The following SH3BGRL2 variants were observed in gnomAD, a reference collection of about 807,000 sequenced individuals.
The protein encoded by SH3BGRL2 is SH3 domain binding glutamate rich protein like 2.
Under a neutral mutation model 14.8 loss-of-function variants are expected in SH3BGRL2, and 21 were observed. The observed-to-expected ratio is 1.42, with a 90% CI of 1.01 to 2.05. The LOEUF (loss-of-function observed/expected upper bound fraction) is 2.05. Ranked by LOEUF, SH3BGRL2 falls within the 30% of genes most tolerant of loss-of-function variation. SH3BGRL2 has a pLI of 0.00. For missense variants in SH3BGRL2, 147 were observed against 130.8 expected, an observed-to-expected ratio of 1.12 and a Z score of -0.61; for synonymous variants, 50 against 47.8, an observed-to-expected ratio of 1.05 and a Z score of -0.19.
the SH3BGRL2 span, among the ~76,000 whole-genome samples, chr6:79,563,714 C>G: frequency 6.6e-6 from 1 of 152,140 alleles, no homozygotes; most frequent in Admixed American, 6.5e-5. Context: ...AAGCAAAATG[C>G]AGCTGCATGA....
At chr6:79,629,203 T>C (rs1768779754), upstream of SH3BGRL2, among the ~76,000 whole-genome samples, 1 of 152,218 alleles carries the variant, frequency 6.6e-6, no homozygotes, top group Non-Finnish European at 1.5e-5. Context: ...TCTCCAACTC[T>C]TTTTTACAAA....
At chr6:79,666,912 C>T (rs2812711) in intron 1 of SH3BGRL2, among the ~76,000 whole-genome samples, 15,889 of 152,142 alleles carry the variant, frequency 0.1, 1,336 homozygotes, top group East Asian at 0.44. Flanking sequence ...TCAGAAGTTA[C>T]TATATTTTTG....
the SH3BGRL2 span, among the ~76,000 whole-genome samples, chr6:79,602,844 A>G: frequency 1.3e-4 from 20 of 152,324 alleles, no homozygotes; most frequent in Non-Finnish European, 1.5e-5. Context: ...AGTCATATTT[A>G]AAGTTTGAAT....
intron 1 of SH3BGRL2, among the ~76,000 whole-genome samples, chr6:79,658,917 T>C (rs945537290): frequency 6.6e-6 from 1 of 152,250 alleles, no homozygotes; most frequent in African/African-American, 2.4e-5. Flanking sequence ...TTTTCATGTG[T>C]CCGTTGGCTG....
chr6:79,600,120 A>G, the SH3BGRL2 span, among the ~76,000 whole-genome samples: 2 of 152,136 alleles, frequency 1.3e-5, no homozygotes, highest in African/African-American at 2.4e-5. Context: ...GTACTGCACA[A>G]AGCTCTCCTC....
At chr6:79,683,216 A>G (rs1250582289) in intron 2 of SH3BGRL2, among the ~76,000 whole-genome samples, 3 of 152,158 alleles carry the variant, frequency 2.0e-5, no homozygotes, top group Non-Finnish European at 1.5e-5. Flanking sequence ...AAACACTGGT[A>G]TATTATAGGG....
At chr6:79,697,443 C>T (rs181354778) in intron 3 of SH3BGRL2, among the ~76,000 whole-genome samples, 1 of 152,234 alleles carries the variant, frequency 6.6e-6, no homozygotes, top group East Asian at 1.9e-4. Context: ...AGTACATTTC[C>T]TAGAACTTTG....
At chr6:79,621,797 G>GT in the SH3BGRL2 span, among the ~76,000 whole-genome samples, 1 of 152,126 alleles carries the variant, frequency 6.6e-6, no homozygotes, top group Non-Finnish European at 1.5e-5. Flanking sequence ...AGATGGCCAT[G>GT]TGACCCAGAT....
the SH3BGRL2 span, among the ~76,000 whole-genome samples, chr6:79,578,250 G>A: frequency 2.6e-4 from 39 of 152,234 alleles, no homozygotes; most frequent in African/African-American, 9.4e-4. Flanking sequence ...CTGTCTGACA[G>A]CTCTGAAGAG....
At chr6:79,634,973 T>G (rs900041507) in intron 1 of SH3BGRL2, among the ~76,000 whole-genome samples, 2 of 151,982 alleles carry the variant, frequency 1.3e-5, no homozygotes, top group Non-Finnish European at 2.9e-5. Flanking sequence ...GAGCTTTGGG[T>G]GGGACAGGGT....
At chr6:79,575,049 A>T in the SH3BGRL2 span, 1 of 152,224 alleles carries the variant, frequency 6.6e-6, no homozygotes, top group Non-Finnish European at 1.5e-5. Flanking sequence ...TATGATGTCA[A>T]TTCCACTGTA....
At chr6:79,577,894 G>A in the SH3BGRL2 span, among the ~76,000 whole-genome samples, 1 of 152,210 alleles carries the variant, frequency 6.6e-6, no homozygotes. Flanking sequence ...CAGACTACCT[G>A]GGAAAATGGG....
chr6:79,556,213 C>T, the SH3BGRL2 span, among the ~76,000 whole-genome samples: 1 of 152,056 alleles, frequency 6.6e-6, no homozygotes, highest in African/African-American at 2.4e-5. Context: ...TTAAAAATTG[C>T]AATTTCTGCT....
chr6:79,632,769 C>A (rs1768850155), intron 1 of SH3BGRL2, among the ~76,000 whole-genome samples: 1 of 152,174 alleles, frequency 6.6e-6, no homozygotes, highest in African/African-American at 2.4e-5. Context: ...ATTTGGGTTG[C>A]TTAGTCATGC....
chr6:79,633,612 C>T (rs769248492), intron 1 of SH3BGRL2, among the ~76,000 whole-genome samples: 4 of 152,098 alleles, frequency 2.6e-5, no homozygotes, highest in Non-Finnish European at 5.9e-5. Context: ...AGACTATAAA[C>T]ACTAATTATC....
the SH3BGRL2 span, among the ~76,000 whole-genome samples, chr6:79,555,914 A>C: frequency 6.6e-6 from 1 of 152,326 alleles, no homozygotes; most frequent in Non-Finnish European, 1.5e-5. Flanking sequence ...AGTACAACAT[A>C]AAAATAAAAA....
the SH3BGRL2 span, among the ~76,000 whole-genome samples, chr6:79,569,183 C>G: frequency 6.6e-6 from 1 of 152,094 alleles, no homozygotes; most frequent in African/African-American, 2.4e-5. Context: ...AGTTCAAGGT[C>G]ATAAGTCAAT....
chr6:79,567,237 C>T, the SH3BGRL2 span, among the ~76,000 whole-genome samples: 1 of 151,984 alleles, frequency 6.6e-6, no homozygotes, highest in Non-Finnish European at 1.5e-5. Flanking sequence ...ATGAATGAAA[C>T]TAAATCTTCA....
rs1770486877 is a variant in SH3BGRL2, at chr6:79,702,686, G to A, written c.*3177G>A. 1 of 152,214 alleles carries A rather than the reference G, an allele frequency of 6.6e-6. No homozygotes were observed. The allele number at this position is 152,214 out of a possible 1,614,324, so 9.4% of individuals were successfully genotyped here. On this transcript the variant is annotated 3_prime_UTR_variant, in exon 4 of 4. Transcript: ENST00000369838. ...GATCATTCAAGGAGCCAGACATGAG[G>A]TCCTGCACGAGGGTGTTGGGAGGAC...
Sources: allele counts gnomAD v4.1 joint callset (sites outside exome capture counted in the v4.1 genomes callset), GRCh38; gene constraint gnomAD v4.1.1; transcripts MANE v1.5; gene names NCBI Gene and HGNC (gene_info 2026-07-23, HGNC 2026-07-21).